The following KDM3B variants were observed in gnomAD, a reference collection of about 807,000 sequenced individuals.
KDM3B encodes lysine demethylase 3B.
In KDM3B, 10 loss-of-function variants were observed where a neutral mutation model predicts 170.0. That is an observed-to-expected ratio of 0.06 (90% confidence interval 0.04 to 0.10). The LOEUF (loss-of-function observed/expected upper bound fraction) is 0.10, where lower values mean the gene tolerates loss of function less well. Among genes scored for constraint, KDM3B ranks in the 10% least tolerant of loss-of-function variants. KDM3B has a pLI of 1.00. For missense variants in KDM3B, 1,394 were observed against 2,195.2 expected (o/e 0.64, Z 7.29); for synonymous variants, 831 against 834.8 (o/e 1.00, Z 0.08).
In KDM3B at chr5:138,364,987, GA is replaced by G. The variant is rs61404849; in HGVS notation, c.193-7684del. Among the ~76,000 whole-genome samples the G allele has an allele frequency of 4.6e-5, 7 of 152,302 alleles. No homozygotes were observed. In the East Asian group the frequency reaches 1.3e-3, roughly 29 times the overall value. On this transcript the variant is annotated intron_variant, in intron 1 of 23. Coordinates refer to ENST00000314358, the MANE Select transcript of KDM3B (RefSeq NM_016604.4). ...AGAAAGCTATCTCTTGAGAATCAAA[GA>G]AACTGTAAAGAGAAAATTATTTTTT... is the stretch of plus-strand genomic sequence containing the variant.
At chr5:138,396,135 G>A (rs1341735619) in intron 9 of KDM3B, among the ~76,000 whole-genome samples, 1 of 151,686 alleles carries the variant, frequency 6.6e-6, no homozygotes, top group Non-Finnish European at 1.5e-5. Context: ...GAGTCTTGCT[G>A]CCCAGGCTGG....
intron 11 of KDM3B, among the ~76,000 whole-genome samples, chr5:138,404,955 G>C (rs1762778891): frequency 6.6e-6 from 1 of 151,642 alleles, no homozygotes; most frequent in African/African-American, 2.4e-5. Flanking sequence ...TAATCAGGCT[G>C]GTCTCAAACT....
rs776869206 is a variant in KDM3B at position 138,375,062 on chromosome 5, C to G, written c.361-31C>G. ...ATTGCTGTTTTTTTATTCCCAAGTT[C>G]TAATCAATTTCTTGTCATTGTACTT... On this transcript the variant is annotated intron_variant, in intron 2 of 23. Transcript: ENST00000314358. 3 of 1,188,186 alleles carry G rather than the reference C, an allele frequency of 2.5e-6. No individual in the cohort carries two copies. In the Admixed American group the frequency reaches 5.3e-5, roughly 21 times the overall value. The allele number at this position is 1,188,186 out of a possible 1,614,324, so 73.6% of individuals were successfully genotyped here.
chr5:138,385,311 C>T (rs1161578151), intron 6 of KDM3B, among the ~76,000 whole-genome samples: 3 of 152,194 alleles, frequency 2.0e-5, no homozygotes, highest in Non-Finnish European at 4.4e-5. Context: ...CATGAGCCAA[C>T]ACGCCAGGCC....
At position 138,362,551 on chromosome 5, in the gene KDM3B, T is replaced by TACACAC. The variant is rs370412367; in HGVS notation, c.192+9594_192+9599dup. Reference sequence around the variant, plus strand: ...GGATATATATATACATATATGTGTATACACACACACACACACACACACACA... The same window carrying TACACAC: ...GGATATATATATACATATATGTGTATACACACACACACACACACACACACACACACA... On this transcript the variant is annotated intron_variant, in intron 1 of 23. Transcript: ENST00000314358. 4.3e-3 allele frequency among the ~76,000 whole-genome samples: 541 copies of TACACAC among 124,702 alleles called. 4 individuals carry two copies. The highest frequency in any genetic ancestry group is 8.2e-3 in the African/African-American group (299 of 36,538). 81.8% of individuals were successfully genotyped at this position (124,702 alleles called of 152,430 possible).
chr5:138,434,351 C>A (rs1395390248), intron 23 of KDM3B, among the ~76,000 whole-genome samples: 1 of 152,090 alleles, frequency 6.6e-6, no homozygotes, highest in Non-Finnish European at 1.5e-5. Context: ...AGTTCGAGAC[C>A]AGCCTGGCCA....
chr5:138,423,369 C>A lies in KDM3B; in HGVS notation c.3973-706C>A, dbSNP rs6862561. Among the ~76,000 whole-genome samples, 3 of 152,204 alleles carry A rather than the reference C, an allele frequency of 2.0e-5. No individual in the cohort carries two copies. The South Asian group carries it at 6.2e-4, about 32-fold the overall frequency. On this transcript the variant is annotated intron_variant, in intron 15 of 23. Coordinates refer to ENST00000314358, the MANE Select transcript of KDM3B (RefSeq NM_016604.4). Reference sequence around the variant, plus strand: ...CCATGATGTTACATAATTATACATACTTTATAGAGATAGGGATTAGTAATA... The same window carrying A: ...CCATGATGTTACATAATTATACATAATTTATAGAGATAGGGATTAGTAATA...
chr5:138,369,297 C>T (rs1177525926), intron 1 of KDM3B, among the ~76,000 whole-genome samples: 1 of 152,168 alleles, frequency 6.6e-6, no homozygotes, highest in African/African-American at 2.4e-5. Context: ...TAGCACTTCT[C>T]TTCTCTGGTT....
At chr5:138,415,984 G>A (rs974619119) in intron 12 of KDM3B, among the ~76,000 whole-genome samples, 3 of 152,248 alleles carry the variant, frequency 2.0e-5, no homozygotes, top group Middle Eastern at 3.4e-3. Context: ...CCAGCACTTT[G>A]GGAGGCCAAG....
intron 13 of KDM3B, 81 bp downstream of exon 13, chr5:138,417,691 T>C (rs996843416): frequency 1.4e-6 from 2 of 1,430,686 alleles, no homozygotes; most frequent in South Asian, 1.2e-5. Flanking sequence ...AACTCTGTTA[T>C]GCCAGGCTAC....
rs115058599 is a variant in KDM3B at position 138,400,050 on chromosome 5, G to A, written c.3199+38G>A. The A allele has an allele frequency of 4.5e-4, 716 of 1,606,836 alleles. 3 individuals are homozygous for A. In the African/African-American group the frequency reaches 6.0e-3, roughly 13 times the overall value. On this transcript the variant is annotated intron_variant, in intron 11 of 23. Transcript: ENST00000314358. ...TGTCCTGTGTAGCTCGAAAGGTAAC[G>A]TGGAGGTATGTCCAAGATGTTGTGG...
chr5:138,380,320 A>G (rs1382180522), intron 5 of KDM3B, among the ~76,000 whole-genome samples: 2 of 148,880 alleles, frequency 1.3e-5, no homozygotes, highest in Non-Finnish European at 1.5e-5. Context: ...TTTATATGAT[A>G]TATATGAGTT....
At chr5:138,360,947 G>A (rs1457843760) in intron 1 of KDM3B, among the ~76,000 whole-genome samples, 2 of 151,988 alleles carry the variant, frequency 1.3e-5, no homozygotes, top group Non-Finnish European at 2.9e-5. Flanking sequence ...ACCTGCCAAG[G>A]GTTCATTCCC....
In KDM3B at chr5:138,435,834, G is replaced by GC; in HGVS notation, c.*136dup. ...TGTGGTCAGTATTCCAAACTCTCCA[G>GC]CCACTCTCTTCTACGCTGCCTCAAC... On this transcript the variant is annotated 3_prime_UTR_variant, in exon 24 of 24. Coordinates refer to ENST00000314358, the MANE Select transcript of KDM3B (RefSeq NM_016604.4). The GC allele has an allele frequency of 1.5e-6, 1 of 682,416 alleles. No homozygotes were observed. Among genetic ancestry groups the GC allele is most frequent in the Non-Finnish European group, 2.6e-6 (1 of 390,312 alleles). The allele number at this position is 682,416 out of a possible 1,614,324, so 42.3% of individuals were successfully genotyped here. A position where few individuals can be genotyped will look rare whatever the true frequency, so the allele number is the denominator to read the frequency against.
intron 11 of KDM3B, among the ~76,000 whole-genome samples, chr5:138,403,548 G>A (rs780016719): frequency 2.0e-5 from 3 of 151,992 alleles, no homozygotes; most frequent in Non-Finnish European, 4.4e-5. Flanking sequence ...ATGGTGGCGG[G>A]TGCCTGTAAT....
At chr5:138,413,178 G>A (rs1368784679) in intron 11 of KDM3B, among the ~76,000 whole-genome samples, 1 of 152,096 alleles carries the variant, frequency 6.6e-6, no homozygotes, top group African/African-American at 2.4e-5. Context: ...AAGGTCAGAA[G>A]ATTGAGACCA....
chr5:138,386,245 T>C lies in KDM3B; in HGVS notation c.1004T>C (p.Leu335Pro). 6.2e-7 allele frequency: 1 copy of C among 1,614,152 alleles called. No homozygotes were observed. Among genetic ancestry groups the C allele is most frequent in the East Asian group, 2.2e-5 (1 of 44,878 alleles). Residue 335 changes from leucine (L) to proline (P), a missense_variant, in exon 7 of 24, where the codon CTG (leucine) becomes CCG (proline). By Grantham distance (98) the Leu-to-Pro change is moderately conservative. Transcript: ENST00000314358. Reference protein sequence around the residue: ...KGGNASGEPGLDQRAKQPPST... With the variant: ...KGGNASGEPGPDQRAKQPPST... ...GGGAATGCCAGTGGAGAGCCAGGGCTGGATCAGAGAGCCAAGCAGCCACCG... is the reference window on the plus strand; with the variant it reads ...GGGAATGCCAGTGGAGAGCCAGGGCCGGATCAGAGAGCCAAGCAGCCACCG...
At chr5:138,428,368 C>T (rs1763448353) in intron 20 of KDM3B, among the ~76,000 whole-genome samples, 1 of 151,984 alleles carries the variant, frequency 6.6e-6, no homozygotes, top group African/African-American at 2.4e-5. Flanking sequence ...CCTGCCACCA[C>T]GCCCGGCTAA....
intron 23 of KDM3B, among the ~76,000 whole-genome samples, chr5:138,433,114 CTT>C (rs1199984013): frequency 1.0e-4 from 14 of 136,302 alleles, no homozygotes; most frequent in Non-Finnish European, 9.6e-5. Flanking sequence ...CTTTTCCTTT[CTT>C]TTTTTTTTTT....
Sources: gnomAD v4.1 joint callset for allele counts (sites outside exome capture counted in the v4.1 genomes callset) on GRCh38, gnomAD v4.1.1 for gene constraint, MANE v1.5 for transcripts, NCBI Gene and HGNC (gene_info 2026-07-23, HGNC 2026-07-21) for gene names.